Variants in FAM117B observed in about 807,000 individuals in gnomAD.
The protein encoded by FAM117B is protein FAM117B.
Under a neutral mutation model 52.8 loss-of-function variants are expected in FAM117B, and 22 were observed. The observed-to-expected ratio is 0.42, with a 90% CI of 0.30 to 0.59. The LOEUF is 0.59. Ranked by LOEUF, FAM117B falls within the 20% of genes least tolerant of loss-of-function variation. The pLI is 0.22. For missense variants in FAM117B, 678 were observed against 802.6 expected (o/e 0.84, Z 1.88); for synonymous variants, 309 against 324.1 (o/e 0.95, Z 0.50).
In FAM117B at chr2:202,757,190, A is replaced by G. The variant is rs762589090; in HGVS notation, c.1105-23A>G. On this transcript the variant is annotated intron_variant, in intron 5 of 7. Transcript: ENST00000392238. ...TTCGAAATTAATTATAAATATACCT[A>G]TGTTTTTACAATTTTGTAACAGCCG... 3.7e-6 allele frequency: 6 copies of G among 1,607,286 alleles called. No individual in the cohort carries two copies. The South Asian group carries it at 4.4e-5, about 12-fold the overall frequency.
intron 2 of FAM117B, among the ~76,000 whole-genome samples, chr2:202,710,862 C>A (rs1221818840): frequency 6.6e-6 from 1 of 152,146 alleles, no homozygotes; most frequent in Non-Finnish European, 1.5e-5. Context: ...GTCCTCCATT[C>A]ATGCTGTTGC....
intron 1 of FAM117B, among the ~76,000 whole-genome samples, chr2:202,661,892 G>A: frequency 6.8e-6 from 1 of 146,276 alleles, no homozygotes; most frequent in Non-Finnish European, 1.5e-5. Context: ...CTGCACTCCA[G>A]CCTGGGCAAC....
chr2:202,724,743 G>A (rs1443195804), intron 2 of FAM117B, among the ~76,000 whole-genome samples, 174 bp from the exon 3 acceptor site: 1 of 152,080 alleles, frequency 6.6e-6, no homozygotes, highest in Non-Finnish European at 1.5e-5. Flanking sequence ...AATATTAATT[G>A]TAATTAATAC....
At chr2:202,713,985 G>A (rs1690998130) in intron 2 of FAM117B, among the ~76,000 whole-genome samples, 1 of 152,202 alleles carries the variant, frequency 6.6e-6, no homozygotes, top group Admixed American at 6.5e-5. Flanking sequence ...AGGATTACAG[G>A]TGTGAGCCAC....
chr2:202,635,311 C>T lies in FAM117B; in HGVS notation c.124C>T (p.Gln42Ter). 1 of 1,416,788 alleles carries T rather than the reference C, an allele frequency of 7.1e-7. No homozygotes were observed. The highest frequency in any genetic ancestry group is 9.2e-7 in the Non-Finnish European group (1 of 1,084,410). The allele number at this position is 1,416,788 out of a possible 1,614,324, so 87.8% of individuals were successfully genotyped here. A position where few individuals can be genotyped will look rare whatever the true frequency, so the allele number is the denominator to read the frequency against. The part of the protein sequence containing the change: ...LQPMRATVPF[Q>*]LKQQQQQQHG... Reference sequence around the variant, plus strand: ...GCCCATGAGGGCGACGGTTCCGTTCCAGCTGAAGCAGCAGCAGCAGCAGCA... The same window carrying T: ...GCCCATGAGGGCGACGGTTCCGTTCTAGCTGAAGCAGCAGCAGCAGCAGCA... Residue 42 changes from glutamine to a stop codon, truncating the protein, a stop_gained, in exon 1 of 8, where the codon CAG (glutamine) becomes TAG (stop). Transcript: ENST00000392238. LOFTEE classifies it high-confidence loss of function.
At chr2:202,709,261 G>A (rs1197170184) in intron 2 of FAM117B, among the ~76,000 whole-genome samples, 3 of 151,486 alleles carry the variant, frequency 2.0e-5, no homozygotes, top group Non-Finnish European at 4.4e-5. Flanking sequence ...GGAGTACAAT[G>A]GAGTGATCTC....
In FAM117B at chr2:202,667,800, A is replaced by G. The variant is rs934045147; in HGVS notation, c.602-28081A>G. On this transcript the variant is annotated intron_variant, in intron 1 of 7. Coordinates refer to ENST00000392238, the MANE Select transcript of FAM117B (RefSeq NM_173511.4). ...TTCAGTCTTTGGAGGCCTTTGGGAT[A>G]TTGACAGATGAGGAGATAATTGATA... is the stretch of plus-strand genomic sequence containing the variant. 5.9e-5 allele frequency among the ~76,000 whole-genome samples: 9 copies of G among 152,148 alleles called. No homozygotes were observed. In the East Asian group the frequency reaches 1.7e-3, roughly 29 times the overall value.
rs190293900 is a variant in FAM117B at position 202,768,416 on chromosome 2, G to C, written c.*2652G>C. ...ATGTGAATTTGCAGGTAAATGAATT[G>C]TATGGCAACCAGACAGATCCCTGGG... On this transcript the variant is annotated 3_prime_UTR_variant, in exon 8 of 8. Transcript: ENST00000392238. 1.3e-4 allele frequency: 20 copies of C among 152,608 alleles called. No individual in the cohort carries two copies. Among genetic ancestry groups the C allele is most frequent in the African/African-American group, 4.6e-4 (19 of 41,564 alleles). 9.5% of individuals were successfully genotyped at this position (152,608 alleles called of 1,614,324 possible).
intron 5 of FAM117B, among the ~76,000 whole-genome samples, chr2:202,756,329 G>A (rs936565772): frequency 2.6e-5 from 4 of 151,802 alleles, no homozygotes; most frequent in Admixed American, 2.6e-4. Flanking sequence ...AGGGAGAATC[G>A]CTTGAACCCG....
At chr2:202,709,451 C>G (rs906150827) in intron 2 of FAM117B, among the ~76,000 whole-genome samples, 1 of 152,210 alleles carries the variant, frequency 6.6e-6, no homozygotes, top group African/African-American at 2.4e-5. Context: ...ATCTGCCCCC[C>G]TCTGCCTCCC....
intron 1 of FAM117B, among the ~76,000 whole-genome samples, chr2:202,675,412 C>G (rs932936125): frequency 7.0e-6 from 1 of 143,372 alleles, no homozygotes; most frequent in Non-Finnish European, 1.5e-5. Flanking sequence ...TGCCACCGCA[C>G]TACCGCCTGG....
intron 2 of FAM117B, among the ~76,000 whole-genome samples, chr2:202,711,700 C>G (rs937924386): frequency 1.8e-4 from 27 of 152,102 alleles, no homozygotes; most frequent in Admixed American, 3.3e-4. Flanking sequence ...AATCTTTAAT[C>G]CATTTTGATT....
Position 202,695,870 on chromosome 2 carries a change from C to G in FAM117B, c.602-11C>G, listed in dbSNP as rs760179116. ...ATTTTATTAAAACAAGCATTTTTGT[C>G]TTAAATCTAGGTGACAAAACACGAC... On this transcript the variant is annotated splice_polypyrimidine_tract_variant and intron_variant, in intron 1 of 7. Coordinates refer to ENST00000392238, the MANE Select transcript of FAM117B (RefSeq NM_173511.4). The G allele has an allele frequency of 5.6e-5, 88 of 1,562,688 alleles. No individual in the cohort carries two copies. Among genetic ancestry groups the G allele is most frequent in the Non-Finnish European group, 3.1e-5 (36 of 1,154,296 alleles).
chr2:202,748,033 G>A (rs943077367), intron 4 of FAM117B, among the ~76,000 whole-genome samples: 1 of 152,134 alleles, frequency 6.6e-6, no homozygotes, highest in Admixed American at 6.5e-5. Flanking sequence ...AACAAAGCTA[G>A]AGGCATCATA....
rs1689653830 is a variant in FAM117B, at chr2:202,635,087, C to T, written c.-101C>T. On this transcript the variant is annotated 5_prime_UTR_variant, in exon 1 of 8. Transcript: ENST00000392238. The stretch of plus-strand genomic sequence containing the variant: ...ACCCCGGAGTCCGGCTTCGTCACCC[C>T]GTCTTGGGGGGCCTGCCCTCCGGCC... 3 of 1,240,244 alleles carry T rather than the reference C, an allele frequency of 2.4e-6. No individual in the cohort carries two copies. Among genetic ancestry groups the T allele is most frequent in the Admixed American group, 4.2e-5 (1 of 23,680 alleles). The allele number at this position is 1,240,244 out of a possible 1,614,324, so 76.8% of individuals were successfully genotyped here. A position where few individuals can be genotyped will look rare whatever the true frequency, so the allele number is the denominator to read the frequency against.
At chr2:202,691,631 C>CAT (rs1355268619) in intron 1 of FAM117B, among the ~76,000 whole-genome samples, 1 of 142,820 alleles carries the variant, frequency 7.0e-6, no homozygotes, top group East Asian at 2.0e-4. Context: ...TGATATAATG[C>CAT]ATATATACCA....
intron 1 of FAM117B, among the ~76,000 whole-genome samples, chr2:202,689,299 A>G (rs907849617): frequency 6.6e-6 from 1 of 151,992 alleles, no homozygotes; most frequent in African/African-American, 2.4e-5. Flanking sequence ...AAAATTAGCC[A>G]GGCGTAGTGG....
intron 4 of FAM117B, among the ~76,000 whole-genome samples, chr2:202,733,486 A>G (rs987439904): frequency 7.9e-5 from 12 of 151,830 alleles, no homozygotes; most frequent in Admixed American, 7.2e-4. Context: ...TAAGACAGAC[A>G]CTCCCAGAGC....
intron 4 of FAM117B, among the ~76,000 whole-genome samples, chr2:202,739,578 C>T (rs1319472460): frequency 6.6e-6 from 1 of 151,818 alleles, no homozygotes; most frequent in African/African-American, 2.4e-5. Context: ...ACTTCAGCCT[C>T]CTAAGAAGCT....
Sources: gnomAD v4.1 joint callset for allele counts (sites outside exome capture counted in the v4.1 genomes callset) on GRCh38, gnomAD v4.1.1 for gene constraint, MANE v1.5 for transcripts, NCBI Gene and HGNC (gene_info 2026-07-23, HGNC 2026-07-21) for gene names.